Variants in C1orf105 observed in about 807,000 individuals in gnomAD.
C1orf105 encodes chromosome 1 open reading frame 105, also known as uncharacterized protein C1orf105.
A neutral mutation model predicts 20.8 loss-of-function variants in C1orf105; 17 were observed. The ratio of observed to expected loss-of-function variants is 0.82; its 90% CI spans 0.56 to 1.23. C1orf105 has a LOEUF of 1.23. Among genes scored for constraint, C1orf105 ranks in the 50% most tolerant of loss-of-function variants. The pLI is 0.00. For synonymous variants in C1orf105, 72 were observed against 72.1 expected (o/e 1.00, Z 0.01); for missense variants, 219 against 213.5 (o/e 1.03, Z -0.16).
intron 1 of C1orf105, among the ~76,000 whole-genome samples, chr1:172,437,345 T>C (rs567712414): frequency 4.6e-5 from 7 of 152,134 alleles, no homozygotes; most frequent in African/African-American, 1.7e-4. Flanking sequence ...CAAATGTCCA[T>C]CAATGACAGA....
intron 1 of C1orf105, among the ~76,000 whole-genome samples, chr1:172,432,467 C>T (rs974205229): frequency 6.6e-6 from 1 of 152,204 alleles, no homozygotes; most frequent in Admixed American, 6.5e-5. Context: ...GATAACCAGG[C>T]AAACAGGGTC....
intron 3 of C1orf105, 52 bp from the exon 4 acceptor site, chr1:172,456,363 C>T (rs1649242970): frequency 2.7e-6 from 4 of 1,482,756 alleles, no homozygotes; most frequent in African/African-American, 2.8e-5. Context: ...ATCTTTGCTG[C>T]CCTACATGCC....
chr1:172,439,052 CCAAA>C (rs2072131660), intron 1 of C1orf105, among the ~76,000 whole-genome samples: 1 of 152,114 alleles, frequency 6.6e-6, no homozygotes, highest in Admixed American at 6.5e-5. Context: ...CACTGGAAAA[CCAAA>C]AAATTCATGT....
chr1:172,456,434 A>G lies in C1orf105; in HGVS notation c.218A>G (p.Asp73Gly). The G allele has an allele frequency of 6.2e-7, 1 of 1,613,202 alleles. No individual in the cohort carries two copies. The highest frequency in any genetic ancestry group is 1.1e-5 in the South Asian group (1 of 91,062). ...VLSKARRNQC[D>G]SMLLRNQQLC... ...CCTCAGGCCAGGAGGAACCAGTGTG[A>G]CTCCATGCTGCTCAGAAACCAACAG... Residue 73 changes from aspartate (D) to glycine (G), a missense_variant, in exon 4 of 7, where the codon GAC becomes GGC. Coordinates refer to ENST00000367727, the MANE Select transcript of C1orf105 (RefSeq NM_139240.4).
At chr1:172,423,866 C>A (rs1200153938) in intron 1 of C1orf105, among the ~76,000 whole-genome samples, 1 of 151,942 alleles carries the variant, frequency 6.6e-6, no homozygotes, top group Admixed American at 6.6e-5. Context: ...CAGAATTGAT[C>A]AAGCAGAAGA....
intron 1 of C1orf105, among the ~76,000 whole-genome samples, chr1:172,424,996 A>G (rs1472045960): frequency 6.6e-6 from 1 of 152,188 alleles, no homozygotes; most frequent in Non-Finnish European, 1.5e-5. Flanking sequence ...GCTCCTCTTG[A>G]GCCAGGTTTC....
chr1:172,458,284 C>T lies in C1orf105; in HGVS notation c.273+1795C>T, dbSNP rs551317071. 2.6e-5 allele frequency among the ~76,000 whole-genome samples: 4 copies of T among 152,286 alleles called. No homozygotes were observed. The East Asian group carries it at 7.7e-4, about 29-fold the overall frequency. On this transcript the variant is annotated intron_variant, in intron 4 of 6. Coordinates refer to ENST00000367727, the MANE Select transcript of C1orf105 (RefSeq NM_139240.4). ...TTAGAAAGAAAGAAGTACAACTAGT[C>T]TATTTGCAGATGATATGCTCTTATA...
At chr1:172,443,898 C>A in intron 1 of C1orf105, 1 of 948,886 alleles carries the variant, frequency 1.1e-6, no homozygotes, top group African/African-American at 1.8e-5. Flanking sequence ...CCCACTTCCG[C>A]CGCCGCCCCT....
At chr1:172,436,772 G>A (rs1251964816) in intron 1 of C1orf105, among the ~76,000 whole-genome samples, 6 of 152,058 alleles carry the variant, frequency 3.9e-5, no homozygotes, top group Admixed American at 6.6e-5. Context: ...GCTTCTGCAT[G>A]GCAAAAGAAA....
At chr1:172,438,009 C>T (rs527305976) in intron 1 of C1orf105, among the ~76,000 whole-genome samples, 3 of 151,992 alleles carry the variant, frequency 2.0e-5, no homozygotes, top group African/African-American at 7.3e-5. Context: ...TTGAAAATTA[C>T]GTGAAATCTA....
chr1:172,456,615 C>G (rs1279543316), intron 4 of C1orf105, 126 bp downstream of exon 4: 3 of 815,246 alleles, frequency 3.7e-6, no homozygotes, highest in Non-Finnish European at 5.9e-6. Context: ...ATAAAGGCTG[C>G]CAAGGAGGAA....
chr1:172,460,156 A>T (rs1397309692), intron 4 of C1orf105, among the ~76,000 whole-genome samples: 1 of 152,162 alleles, frequency 6.6e-6, no homozygotes, highest in Non-Finnish European at 1.5e-5. Flanking sequence ...TATACTAAAA[A>T]CTACTAAATT....
At chr1:172,442,498 T>C (rs1219509338) in intron 1 of C1orf105, 2 of 1,614,196 alleles carry the variant, frequency 1.2e-6, no homozygotes, top group Non-Finnish European at 1.7e-6. Context: ...TTTCCGAGCA[T>C]GGATGTTTTT....
chr1:172,445,269 A>C (rs757629800), intron 2 of C1orf105, 111 bp downstream of exon 2: 20 of 850,992 alleles, frequency 2.4e-5, no homozygotes, highest in Admixed American at 5.8e-5. Context: ...CCATTGAGAA[A>C]CTCAAGTCAA....
At chr1:172,448,629 G>T in intron 3 of C1orf105, 98 bp downstream of exon 3, 1 of 710,636 alleles carries the variant, frequency 1.4e-6, no homozygotes. Context: ...CCCTGTGCTT[G>T]GTACACCATC....
In C1orf105 at chr1:172,445,167, T is replaced by C. The variant is rs1240167278; in HGVS notation, c.107+9T>C. 85 of 1,605,322 alleles carry C rather than the reference T, an allele frequency of 5.3e-5. 2 individuals carry two copies. In the East Asian group the frequency reaches 1.9e-3, roughly 36 times the overall value. On this transcript the variant is annotated intron_variant, in intron 2 of 6. Transcript: ENST00000367727. ...CTCAGCCTTCCCAGAAGGTAACCTCTCAGCCACCGAGGGCAAAAGTTTTAC... is the reference window on the plus strand; with the variant it reads ...CTCAGCCTTCCCAGAAGGTAACCTCCCAGCCACCGAGGGCAAAAGTTTTAC...
intron 1 of C1orf105, among the ~76,000 whole-genome samples, chr1:172,429,751 A>G (rs2071818430): frequency 6.6e-6 from 1 of 152,090 alleles, no homozygotes; most frequent in South Asian, 2.1e-4. Context: ...AACACCAGGC[A>G]TGTTGCTACA....
At chr1:172,446,343 G>A (rs184797355) in intron 2 of C1orf105, among the ~76,000 whole-genome samples, 5 of 152,304 alleles carry the variant, frequency 3.3e-5, no homozygotes, top group Non-Finnish European at 7.3e-5. Flanking sequence ...TTTTAATTGA[G>A]GGTGGGACAC....
At chr1:172,442,662 C>T (rs1278678236) in intron 1 of C1orf105, 3 of 1,540,438 alleles carry the variant, frequency 1.9e-6, no homozygotes, top group Non-Finnish European at 2.7e-6. Flanking sequence ...AATCATCGCC[C>T]TCACAGAAGT....
Sources: gnomAD v4.1 joint callset for allele counts (sites outside exome capture counted in the v4.1 genomes callset) on GRCh38, gnomAD v4.1.1 for gene constraint, MANE v1.5 for transcripts, NCBI Gene and HGNC (gene_info 2026-07-23, HGNC 2026-07-21) for gene names.